NFKBIL1: variants seen among roughly 807,000 people sequenced by gnomAD.
NFKBIL1 encodes NF-kappa-B inhibitor-like protein 1.
A neutral mutation model predicts 45.4 loss-of-function variants in NFKBIL1; 30 were observed. The ratio of observed to expected loss-of-function variants is 0.66; its 90% CI spans 0.49 to 0.90. The LOEUF is 0.90. Ranked by LOEUF, NFKBIL1 falls within the 40% of genes least tolerant of loss-of-function variation. NFKBIL1 has a pLI of 0.00. For synonymous variants in NFKBIL1, 179 were observed against 197.3 expected (o/e 0.91, Z 0.78); for missense variants, 434 against 513.4 (o/e 0.85, Z 1.49).
At chr6:31,555,309 C>T (rs1431518652) in intron 2 of NFKBIL1, among the ~76,000 whole-genome samples, 1 of 148,444 alleles carries the variant, frequency 6.7e-6, no homozygotes, top group Admixed American at 6.8e-5. Flanking sequence ...ATGATCTCAG[C>T]TCACTGCAAC....
chr6:31,558,589 G>A lies in NFKBIL1; in HGVS notation c.1124G>A (p.Arg375His). Residue 375 changes from arginine (R) to histidine (H), a missense_variant, in exon 4 of 4, where the codon CGC (arginine) becomes CAC (histidine). Around this residue, in one of 4 missense-constraint regions of NFKBIL1, gnomAD observed 52 missense variants for 95.9 expected, o/e 0.54. Transcript: ENST00000376148. The surrounding 1 kb of genome is among the most constrained non-coding windows in gnomAD (Gnocchi z 7.2). ...AVTALSQALN[R>H]HAEALK ...ACAGCCCTTTCTCAGGCCCTGAATCGCCATGCAGAGGCCCTCAAGTGACCC... is the reference window on the plus strand; with the variant it reads ...ACAGCCCTTTCTCAGGCCCTGAATCACCATGCAGAGGCCCTCAAGTGACCC... 8 of 1,555,676 alleles carry A rather than the reference G, an allele frequency of 5.1e-6. No individual in the cohort carries two copies. Among genetic ancestry groups the A allele is most frequent in the African/African-American group, 1.4e-5 (1 of 73,692 alleles).
chr6:31,551,117 C>T (rs555063046), intron 2 of NFKBIL1, among the ~76,000 whole-genome samples: 26 of 152,200 alleles, frequency 1.7e-4, no homozygotes, highest in Non-Finnish European at 3.2e-4. Flanking sequence ...GCCTCTACCT[C>T]GTGGGCTCAA....
At position 31,558,338 on chromosome 6, in the gene NFKBIL1, G is replaced by T; in HGVS notation, c.873G>T (p.Arg291Ser). ...PREEHPRGAG[R>S]GSLWRFGDVP... Reference sequence around the variant, plus strand: ...AAGAGCACCCCAGAGGAGCGGGGAGGGGCAGCCTCTGGCGATTTGGTGATG... The same window carrying T: ...AAGAGCACCCCAGAGGAGCGGGGAGTGGCAGCCTCTGGCGATTTGGTGATG... Residue 291 changes from arginine (R) to serine (S), a missense_variant, in exon 4 of 4, where the codon AGG becomes AGT. Arg to Ser is a moderately radical substitution (Grantham distance 110, BLOSUM62 -1). Around this residue, in one of 4 missense-constraint regions of NFKBIL1, gnomAD observed 128 missense variants for 106.5 expected, o/e 1.20. Transcript: ENST00000376148. This position sits in a 1 kb window ranked among gnomAD's most constrained non-coding sequence, Gnocchi z 7.2. The T allele has an allele frequency of 6.4e-7, 1 of 1,560,392 alleles. No homozygotes were observed. Among genetic ancestry groups the T allele is most frequent in the South Asian group, 1.2e-5 (1 of 85,680 alleles).
At position 31,548,285 on chromosome 6, in the gene NFKBIL1, T is replaced by C; in HGVS notation, c.180T>C (p.Asp60=). 6.2e-7 allele frequency: 1 copy of C among 1,611,904 alleles called. No homozygotes were observed. The highest frequency in any genetic ancestry group is 8.5e-7 in the Non-Finnish European group (1 of 1,179,710). The change falls in exon 2 of 4, where the codon GAT becomes GAC. Residue 60 remains aspartate, a synonymous_variant. Transcript: ENST00000376148. ...QALLQRHPGL[D]VDAGQPPPLH... ...TCCTCCAGCGACACCCAGGCCTCGA[T>C]GTAGATGCTGGGCAGCCCCCACCAC...
intron 2 of NFKBIL1, among the ~76,000 whole-genome samples, chr6:31,550,091 C>T (rs766649244): frequency 3.4e-4 from 51 of 152,016 alleles, no homozygotes; most frequent in Middle Eastern, 3.4e-3. Flanking sequence ...GTCTCAGCTA[C>T]TTGGGAGGCT....
At chr6:31,553,416 C>T (rs977556987) in intron 2 of NFKBIL1, among the ~76,000 whole-genome samples, 4 of 152,042 alleles carry the variant, frequency 2.6e-5, no homozygotes, top group African/African-American at 7.2e-5. Flanking sequence ...CACACCTAAT[C>T]AAAAAGTAAA....
chr6:31,555,594 C>CCT (rs1219556919), intron 2 of NFKBIL1, among the ~76,000 whole-genome samples: 23 of 142,136 alleles, frequency 1.6e-4, no homozygotes, highest in Non-Finnish European at 2.3e-4. Context: ...ATTATCTGAT[C>CCT]CTCTCTCTCT....
Position 31,558,329 on chromosome 6 carries a change from A to G in NFKBIL1, c.864A>G (p.Gly288=). The G allele has an allele frequency of 6.4e-7, 1 of 1,566,002 alleles. No individual in the cohort carries two copies. The highest frequency in any genetic ancestry group is 8.7e-7 in the Non-Finnish European group (1 of 1,153,924). The change falls in exon 4 of 4, where the codon GGA becomes GGG. Residue 288 remains glycine, a synonymous_variant. Transcript: ENST00000376148. This position sits in a 1 kb window ranked among gnomAD's most constrained non-coding sequence, Gnocchi z 7.2. ...RAGPREEHPR[G]AGRGSLWRFG... ...GGCCCAGGGAAGAGCACCCCAGAGG[A>G]GCGGGGAGGGGCAGCCTCTGGCGAT... is the stretch of plus-strand genomic sequence containing the variant.
rs201653245 is a variant in NFKBIL1, at chr6:31,558,754, G to C, written c.*143G>C. The C allele has an allele frequency of 1.5e-5, 10 of 685,096 alleles. No homozygotes were observed. The highest frequency in any genetic ancestry group is 6.2e-5 in the South Asian group (3 of 48,010). 42.4% of individuals were successfully genotyped at this position (685,096 alleles called of 1,614,324 possible). On this transcript the variant is annotated 3_prime_UTR_variant, in exon 4 of 4. Coordinates refer to ENST00000376148, the MANE Select transcript of NFKBIL1 (RefSeq NM_005007.4). This position sits in a 1 kb window ranked among gnomAD's most constrained non-coding sequence, Gnocchi z 7.2. Reference sequence around the variant, plus strand: ...GGTGGGAGCGAAAGTTGTAACAAGTGGGGGTGGGGGGTGCGGGCCGCCACC... The same window carrying C: ...GGTGGGAGCGAAAGTTGTAACAAGTCGGGGTGGGGGGTGCGGGCCGCCACC...
chr6:31,556,323 C>T (rs1769739578), intron 2 of NFKBIL1, among the ~76,000 whole-genome samples: 2 of 152,180 alleles, frequency 1.3e-5, no homozygotes, highest in African/African-American at 2.4e-5. Flanking sequence ...CCTGGCCTTG[C>T]CTTCCCCTAT....
Position 31,558,491 on chromosome 6 carries a change from C to T in NFKBIL1, c.1026C>T (p.His342=), listed in dbSNP as rs1489518267. Residue 342 remains histidine (H), a synonymous_variant, in exon 4 of 4, where the codon CAC becomes CAT. Transcript: ENST00000376148. The surrounding 1 kb of genome is among the most constrained non-coding windows in gnomAD (Gnocchi z 7.2). ...TGAGGGTCCAGCAGGTCCGCTGGCA[C>T]CCTGACCGCTTCCTGCAGCGATTCC... ...RYLRVQQVRW[H]PDRFLQRFRS... 4 of 1,553,316 alleles carry T rather than the reference C, an allele frequency of 2.6e-6. No individual in the cohort carries two copies. The Admixed American group carries it at 5.9e-5, about 23-fold the overall frequency.
chr6:31,551,021 ATTGT>A (rs1183507970), intron 2 of NFKBIL1, among the ~76,000 whole-genome samples: 1 of 151,742 alleles, frequency 6.6e-6, no homozygotes, highest in African/African-American at 2.4e-5. Context: ...GATTTCCTTT[ATTGT>A]TTGTTTGCTT....
In NFKBIL1 at chr6:31,557,093, GAC is replaced by G. The variant is rs984160435; in HGVS notation, c.335-531_335-530del. 6.8e-6 allele frequency among the ~76,000 whole-genome samples: 1 copy of G among 147,574 alleles called. No individual in the cohort carries two copies. Among genetic ancestry groups the G allele is most frequent in the African/African-American group, 2.5e-5 (1 of 39,596 alleles). ...CTAGGACGCTGAAATAGTTTGTGGA[GAC>G]ACAAGTAAGAATTTTTTTTTTTTTT... On this transcript the variant is annotated intron_variant, in intron 2 of 3. Coordinates refer to ENST00000376148, the MANE Select transcript of NFKBIL1 (RefSeq NM_005007.4). This position sits in a 1 kb window ranked among gnomAD's most constrained non-coding sequence, Gnocchi z 5.4.
At chr6:31,546,996 T>A, upstream of NFKBIL1, 1 of 175,592 alleles carries the variant, frequency 5.7e-6, no homozygotes, top group Non-Finnish European at 1.2e-5. The surrounding 1 kb of genome is among the most constrained non-coding windows in gnomAD (Gnocchi z 4.1). Context: ...TCATGCAACC[T>A]GTGTTGGGAA....
At chr6:31,548,012 A>G in intron 1 of NFKBIL1, 151 bp from the exon 2 acceptor site, 2 of 1,086,046 alleles carry the variant, frequency 1.8e-6, no homozygotes, top group East Asian at 2.6e-5. Context: ...ATCATCTGAT[A>G]AAGGATCAGG....
At position 31,558,138 on chromosome 6, in the gene NFKBIL1, C is replaced by T; in HGVS notation, c.673C>T (p.Arg225Ter). ...QQQREAEGSR[R>*]PPRAEGSSQS... Reference sequence around the variant, plus strand: ...GCAGCGAGAAGCAGAGGGATCCCGTCGACCCCCACGTGCTGAGGGCTCCAG... The same window carrying T: ...GCAGCGAGAAGCAGAGGGATCCCGTTGACCCCCACGTGCTGAGGGCTCCAG... The change falls in exon 4 of 4, where the codon CGA becomes TGA. Residue 225 changes from arginine to a stop codon, truncating the protein, a stop_gained. Coordinates refer to ENST00000376148, the MANE Select transcript of NFKBIL1 (RefSeq NM_005007.4). LOFTEE classifies it high-confidence loss of function. This position sits in a 1 kb window ranked among gnomAD's most constrained non-coding sequence, Gnocchi z 7.2. 1.9e-6 allele frequency: 3 copies of T among 1,611,816 alleles called. No homozygotes were observed. The highest frequency in any genetic ancestry group is 1.1e-5 in the South Asian group (1 of 90,832).
chr6:31,547,614 C>A lies in NFKBIL1; in HGVS notation c.-81C>A. The A allele has an allele frequency of 8.1e-6, 8 of 985,346 alleles. No individual in the cohort carries two copies. The highest frequency in any genetic ancestry group is 1.2e-5 in the Non-Finnish European group (8 of 659,046). 61.0% of individuals were successfully genotyped at this position (985,346 alleles called of 1,614,324 possible). ...CAGCCTGGAGTGTCTCCGCCCTTCC[C>A]GCCTCCCGTCTCCGAGCTTCTTAAA... On this transcript the variant is annotated 5_prime_UTR_variant, in exon 1 of 4. Coordinates refer to ENST00000376148, the MANE Select transcript of NFKBIL1 (RefSeq NM_005007.4).
intron 2 of NFKBIL1, among the ~76,000 whole-genome samples, chr6:31,553,063 A>G (rs1201159696): frequency 7.1e-6 from 1 of 141,358 alleles, no homozygotes; most frequent in Non-Finnish European, 1.5e-5. Context: ...TTTTTCCGAG[A>G]CAGAGTCTCG....
At chr6:31,555,228 T>G (rs1285729668) in intron 2 of NFKBIL1, among the ~76,000 whole-genome samples, 1 of 143,890 alleles carries the variant, frequency 6.9e-6, no homozygotes, top group African/African-American at 2.5e-5. Flanking sequence ...GCCAGTCTAT[T>G]TTTTTTCTTT....
Sources: allele counts gnomAD v4.1 joint callset (sites outside exome capture counted in the v4.1 genomes callset), GRCh38; gene constraint gnomAD v4.1.1; regional missense constraint gnomAD v4.1.1; non-coding constraint Gnocchi (gnomAD v3.1); transcripts MANE v1.5; gene names NCBI Gene and HGNC (gene_info 2026-07-23, HGNC 2026-07-21).